Variants in ERG observed in about 807,000 individuals in gnomAD.
ERG encodes the protein transcriptional regulator ERG.
ERG carries 9 observed loss-of-function variants against 55.3 expected under a neutral mutation model. The observed-to-expected ratio is 0.16, with a 90% CI of 0.10 to 0.28. The LOEUF is 0.28. ERG is among the 10% of genes least tolerant of loss of function. ERG has a pLI of 1.00. For synonymous variants in ERG, 223 were observed against 237.3 expected, an observed-to-expected ratio of 0.94 and a Z score of 0.55; for missense variants, 434 against 631.6, an observed-to-expected ratio of 0.69 and a Z score of 3.35.
At chr21:38,533,294 CA>C (rs2059685655) in intron 2 of ERG, among the ~76,000 whole-genome samples, 1 of 152,200 alleles carries the variant, frequency 6.6e-6, no homozygotes, top group South Asian at 2.1e-4. Context: ...TATGTAAATA[CA>C]AAGACGACAA....
chr21:38,598,983 T>C (rs1445671846), intron 1 of ERG, among the ~76,000 whole-genome samples: 1 of 152,024 alleles, frequency 6.6e-6, no homozygotes, highest in Admixed American at 6.6e-5. Context: ...GGCAGGGAAA[T>C]TTCACATCCA....
chr21:38,419,893 A>C (rs868683045), intron 3 of ERG, among the ~76,000 whole-genome samples: 8 of 152,174 alleles, frequency 5.3e-5, no homozygotes, highest in African/African-American at 1.7e-4. Context: ...AAAGCCCCCC[A>C]GCTCCTCTGT....
chr21:38,577,969 AG>A (rs974119478), intron 1 of ERG, among the ~76,000 whole-genome samples: 14 of 152,326 alleles, frequency 9.2e-5, no homozygotes, highest in African/African-American at 3.4e-4. Flanking sequence ...CAGGAGTCCC[AG>A]GCTCAGGCCT....
chr21:38,403,456 A>G lies in ERG; in HGVS notation c.592+50T>C, dbSNP rs754889667. ...GGTTGAACCCTCTGAAGCTCAGGTC[A>G]TAAGAACCATAGCCACAGCCATCTA... On this transcript the variant is annotated intron_variant, in intron 4 of 9. Transcript: ENST00000288319. 11 of 1,583,674 alleles carry G rather than the reference A, an allele frequency of 6.9e-6. No homozygotes were observed. The Admixed American group carries it at 8.4e-5, about 12-fold the overall frequency.
intron 9 of ERG, among the ~76,000 whole-genome samples, chr21:38,385,458 A>G (rs1330836315): frequency 6.6e-6 from 1 of 152,162 alleles, no homozygotes; most frequent in African/African-American, 2.4e-5. Flanking sequence ...TTTTACGTTC[A>G]TTTTCTTCTA....
At chr21:38,524,152 A>G (rs901860920) in intron 2 of ERG, among the ~76,000 whole-genome samples, 3 of 152,226 alleles carry the variant, frequency 2.0e-5, no homozygotes, top group Non-Finnish European at 4.4e-5. Context: ...AGACAGTGAC[A>G]CACTGCCAGC....
chr21:38,537,774 T>C (rs2059722368), intron 2 of ERG, among the ~76,000 whole-genome samples: 1 of 152,094 alleles, frequency 6.6e-6, no homozygotes, highest in South Asian at 2.1e-4. Context: ...GATTCAAAAA[T>C]TAAAAATAGA....
At chr21:38,653,931 T>C (rs2060502977) in intron 1 of ERG, among the ~76,000 whole-genome samples, 1 of 152,260 alleles carries the variant, frequency 6.6e-6, no homozygotes, top group African/African-American at 2.4e-5. Flanking sequence ...ATATTGATGC[T>C]AAATGCATTT....
chr21:38,397,339 C>G (rs945416012), intron 6 of ERG, among the ~76,000 whole-genome samples: 1 of 152,014 alleles, frequency 6.6e-6, no homozygotes, highest in Non-Finnish European at 1.5e-5. Context: ...GTGGTTCACG[C>G]CTGTAATCCC....
At chr21:38,423,656 A>AAGGCGGAAGAGACTGGGGG (rs1989658899) in intron 2 of ERG, 95 bp from the exon 3 acceptor site, 1 of 1,319,446 alleles carries the variant, frequency 7.6e-7, no homozygotes, top group African/African-American at 1.5e-5. Context: ...AAAGAAGGGC[A>AAGGCGGAAGAGACTGGGGG]AGGCGGAAGA....
At chr21:38,367,277 T>G in the ERG span, among the ~76,000 whole-genome samples, 2 of 152,200 alleles carry the variant, frequency 1.3e-5, no homozygotes, top group African/African-American at 4.8e-5. Context: ...AACTATTTAT[T>G]GCTGTGTAAC....
intron 1 of ERG, among the ~76,000 whole-genome samples, chr21:38,656,631 A>G (rs1029307944): frequency 3.9e-5 from 6 of 152,216 alleles, no homozygotes; most frequent in Non-Finnish European, 8.8e-5. Flanking sequence ...CCACCCAGTT[A>G]GAGAGAAAAT....
intron 2 of ERG, among the ~76,000 whole-genome samples, chr21:38,540,999 A>AGGCACTGGGGTGGCACTGGGGT: frequency 6.6e-6 from 1 of 152,114 alleles, no homozygotes; most frequent in East Asian, 1.9e-4. Context: ...GTGGCTGGGG[A>AGGCACTGGGGTGGCACTGGGGT]GGCACTGGGG....
At chr21:38,543,474 A>T (rs570158426) in intron 2 of ERG, among the ~76,000 whole-genome samples, 2 of 151,976 alleles carry the variant, frequency 1.3e-5, no homozygotes, top group Admixed American at 1.3e-4. Flanking sequence ...GTGCTTTCCC[A>T]GTTATCTACA....
At chr21:38,505,542 G>A (rs907204630) in intron 2 of ERG, among the ~76,000 whole-genome samples, 1 of 152,182 alleles carries the variant, frequency 6.6e-6, no homozygotes, top group Non-Finnish European at 1.5e-5. Flanking sequence ...GTCATCTGAT[G>A]CCCACACAGA....
At chr21:38,417,131 C>T (rs564559916) in intron 3 of ERG, among the ~76,000 whole-genome samples, 4 of 152,196 alleles carry the variant, frequency 2.6e-5, no homozygotes, top group Non-Finnish European at 5.9e-5. Flanking sequence ...CGGTCATCTC[C>T]TCAGTGATTA....
At chr21:38,400,049 A>C (rs550574344) in intron 6 of ERG, 8 of 280,904 alleles carry the variant, frequency 2.8e-5, no homozygotes, top group Non-Finnish European at 4.9e-5. Context: ...GCTTGGCACT[A>C]ATGGGCACTT....
intron 1 of ERG, among the ~76,000 whole-genome samples, chr21:38,583,974 T>C (rs77935408): frequency 2.6e-3 from 389 of 152,310 alleles, no homozygotes; most frequent in African/African-American, 8.8e-3. Flanking sequence ...AAATCACCTC[T>C]ATGGAGGGAC....
At chr21:38,507,534 G>GTGAATGAATGAATGAATGAA (rs111369699) in intron 2 of ERG, among the ~76,000 whole-genome samples, 1 of 150,164 alleles carries the variant, frequency 6.7e-6, no homozygotes, top group Non-Finnish European at 1.5e-5. Flanking sequence ...TACTGAATGA[G>GTGAATGAATGAATGAATGAA]TGAATGAATG....
Sources: gnomAD v4.1 joint callset for allele counts (sites outside exome capture counted in the v4.1 genomes callset) on GRCh38, gnomAD v4.1.1 for gene constraint, MANE v1.5 for transcripts, NCBI Gene and HGNC (gene_info 2026-07-23, HGNC 2026-07-21) for gene names.